Variants in SNAP91 observed in about 807,000 individuals in gnomAD.
SNAP91 encodes clathrin coat assembly protein AP180.
In SNAP91, 27 loss-of-function variants were observed where a neutral mutation model predicts 100.3. That is an observed-to-expected ratio of 0.27 (90% CI 0.20 to 0.37). The LOEUF (loss-of-function observed/expected upper bound fraction) is 0.37, where lower values mean the gene tolerates loss of function less well. SNAP91 is among the 10% of genes least tolerant of loss of function. SNAP91 has a pLI of 1.00. For synonymous variants in SNAP91, 404 were observed against 398.6 expected (o/e 1.01, Z -0.16); for missense variants, 986 against 1,123.7 (o/e 0.88, Z 1.75).
chr6:83,593,194 G>A lies in SNAP91; in HGVS notation c.1762C>T (p.Leu588=). 1 of 1,591,876 alleles carries A rather than the reference G, an allele frequency of 6.3e-7. No homozygotes were observed. The highest frequency in any genetic ancestry group is 8.6e-7 in the Non-Finnish European group (1 of 1,168,572). The change falls in exon 19 of 30, where the codon CTG becomes TTG. Residue 588 remains leucine, a synonymous_variant. Transcript: ENST00000369694. ...GCTTTGGTTTTACCTGTACTAAACA[G>A]GTCTATGCTAGGAGCAGCATCTGGC... is the stretch of plus-strand genomic sequence containing the variant. ...PKPDAAPSID[L]FSTDAFSSPP... is the part of the protein sequence containing the mutation.
intron 6 of SNAP91, 31 bp downstream of exon 6, chr6:83,658,968 T>C (rs1286974168): frequency 6.1e-6 from 9 of 1,480,042 alleles, no homozygotes; most frequent in Non-Finnish European, 8.4e-6. Context: ...ACATTGATTG[T>C]GTATGAAACA....
intron 23 of SNAP91, among the ~76,000 whole-genome samples, chr6:83,581,040 T>C (rs1177541560): frequency 1.3e-5 from 2 of 152,252 alleles, no homozygotes; most frequent in African/African-American, 2.4e-5. Flanking sequence ...AGGCATTCAA[T>C]ATTGCCATTG....
At chr6:83,684,498 T>C (rs900487230) in intron 2 of SNAP91, among the ~76,000 whole-genome samples, 6 of 152,208 alleles carry the variant, frequency 3.9e-5, no homozygotes, top group African/African-American at 7.2e-5. Context: ...TAGATGCTCA[T>C]ATAATACCTT....
At chr6:83,685,691 C>T (rs1176098106) in intron 2 of SNAP91, among the ~76,000 whole-genome samples, 2 of 152,102 alleles carry the variant, frequency 1.3e-5, no homozygotes, top group Non-Finnish European at 2.9e-5. Context: ...TGCTTCGGGA[C>T]TTCTAAGACA....
chr6:83,680,537 T>C (rs764685233), intron 2 of SNAP91, among the ~76,000 whole-genome samples: 1 of 152,196 alleles, frequency 6.6e-6, no homozygotes, highest in Non-Finnish European at 1.5e-5. Flanking sequence ...TATTCTATTA[T>C]ATCTTCTCCA....
intron 9 of SNAP91, among the ~76,000 whole-genome samples, chr6:83,619,017 A>C (rs538141399): frequency 1.5e-4 from 23 of 152,156 alleles, no homozygotes; most frequent in East Asian, 3.9e-4. Context: ...CAAAACAAAA[A>C]AACAAAACAA....
intron 2 of SNAP91, among the ~76,000 whole-genome samples, chr6:83,688,996 C>T (rs1447180486): frequency 6.6e-6 from 1 of 152,124 alleles, no homozygotes; most frequent in South Asian, 2.1e-4. Flanking sequence ...GTGCAAGACC[C>T]TCTGCTTACC....
At chr6:83,558,862 T>G (rs963705957) in intron 28 of SNAP91, among the ~76,000 whole-genome samples, 2 of 152,160 alleles carry the variant, frequency 1.3e-5, no homozygotes, top group African/African-American at 4.8e-5. Context: ...TGGTTCTACA[T>G]GTAACATCAC....
chr6:83,657,529 C>A (rs1213107649), intron 6 of SNAP91, among the ~76,000 whole-genome samples: 1 of 152,112 alleles, frequency 6.6e-6, no homozygotes, highest in African/African-American at 2.4e-5. Context: ...AAGTCCTTAT[C>A]ATAAAATCTG....
At chr6:83,641,058 A>C in intron 8 of SNAP91, 38 bp downstream of exon 8, 1 of 1,189,602 alleles carries the variant, frequency 8.4e-7, no homozygotes, top group Non-Finnish European at 1.2e-6. Context: ...GCAAATATTT[A>C]AAAAATTATA....
At chr6:83,698,235 G>C (rs2099246532) in intron 2 of SNAP91, among the ~76,000 whole-genome samples, 1 of 150,844 alleles carries the variant, frequency 6.6e-6, no homozygotes, top group South Asian at 2.1e-4. Flanking sequence ...GACTATCAAG[G>C]GAAAAACACC....
chr6:83,666,044 G>A (rs1020291377), intron 2 of SNAP91, among the ~76,000 whole-genome samples: 1 of 152,030 alleles, frequency 6.6e-6, no homozygotes, highest in African/African-American at 2.4e-5. Flanking sequence ...ACTTTGAAAG[G>A]TGCTAGTAAA....
At chr6:83,575,906 A>T (rs532388834) in intron 25 of SNAP91, 117 bp downstream of exon 25, 34 of 634,900 alleles carry the variant, frequency 5.4e-5, no homozygotes, top group South Asian at 5.2e-4. Context: ...TTGTGAAATT[A>T]TCTGAAATTA....
intron 16 of SNAP91, 123 bp downstream of exon 16, chr6:83,601,148 C>A: frequency 1.3e-6 from 1 of 763,004 alleles, no homozygotes; most frequent in Non-Finnish European, 2.1e-6. Flanking sequence ...CATGAATAAA[C>A]ATTGAAAAAG....
chr6:83,661,997 C>T (rs1184711242), intron 4 of SNAP91, among the ~76,000 whole-genome samples: 1 of 152,074 alleles, frequency 6.6e-6, no homozygotes, highest in Non-Finnish European at 1.5e-5. Context: ...GCAGTTCAAA[C>T]CCTATTAATC....
At chr6:83,571,207 C>T (rs1265858449) in intron 26 of SNAP91, among the ~76,000 whole-genome samples, 3 of 151,978 alleles carry the variant, frequency 2.0e-5, no homozygotes, top group Admixed American at 6.6e-5. Context: ...CAGGTTCAAG[C>T]AATTCTCCTG....
chr6:83,575,239 G>GTA, intron 25 of SNAP91, 118 bp from the exon 26 acceptor site: 1 of 721,124 alleles, frequency 1.4e-6, no homozygotes, highest in Admixed American at 2.4e-5. Context: ...TAGTCAAGTG[G>GTA]TATAGTAATA....
At chr6:83,664,183 G>A (rs2098628751) in intron 3 of SNAP91, among the ~76,000 whole-genome samples, 1 of 152,156 alleles carries the variant, frequency 6.6e-6, no homozygotes, top group Admixed American at 6.6e-5. Context: ...TGCACAAAGA[G>A]ATGCACGTTG....
chr6:83,707,734 G>T, intron 2 of SNAP91, 64 bp downstream of exon 2: 1 of 1,591,110 alleles, frequency 6.3e-7, no homozygotes, highest in Non-Finnish European at 8.5e-7. Flanking sequence ...AGCGCAGGCC[G>T]CACCACCAGC....
Sources: allele counts gnomAD v4.1 joint callset (sites outside exome capture counted in the v4.1 genomes callset), GRCh38; gene constraint gnomAD v4.1.1; transcripts MANE v1.5; gene names NCBI Gene and HGNC (gene_info 2026-07-23, HGNC 2026-07-21).